Variants in RIMS2 observed in about 807,000 individuals in gnomAD.
RIMS2 encodes the protein regulating synaptic membrane exocytosis protein 2.
RIMS2 carries 59 observed loss-of-function variants against 174.4 expected under a neutral mutation model. The ratio of observed to expected loss-of-function variants is 0.34; its 90% CI spans 0.27 to 0.42. The LOEUF (loss-of-function observed/expected upper bound fraction) is 0.42. Ranked by LOEUF, RIMS2 falls within the 10% of genes least tolerant of loss-of-function variation. RIMS2 has a pLI of 1.00. For missense variants in RIMS2, 1,620 were observed against 1,666.3 expected, an observed-to-expected ratio of 0.97 and a Z score of 0.48; for synonymous variants, 606 against 572.5, an observed-to-expected ratio of 1.06 and a Z score of -0.84.
intron 19 of RIMS2, among the ~76,000 whole-genome samples, chr8:104,082,732 GTC>G (rs2097447208): frequency 6.6e-6 from 1 of 151,566 alleles, no homozygotes; most frequent in South Asian, 2.1e-4. Flanking sequence ...TTATTTTAAA[GTC>G]TGTATCTTAT....
exon 16 of RIMS2, chr8:103,975,365 G>T (rs372815457): frequency 8.7e-6 from 14 of 1,611,746 alleles, no homozygotes; most frequent in Non-Finnish European, 1.2e-5. Flanking sequence ...CGACATGATG[G>T]TCGAGATCTT....
chr8:103,800,320 A>G (rs1451799862), intron 3 of RIMS2, among the ~76,000 whole-genome samples: 1 of 151,780 alleles, frequency 6.6e-6, no homozygotes, highest in East Asian at 1.9e-4. Context: ...TAAGCCTTTT[A>G]TTTCATTTTT....
At chr8:103,627,896 G>A (rs959965642) in intron 1 of RIMS2, among the ~76,000 whole-genome samples, 3 of 152,102 alleles carry the variant, frequency 2.0e-5, no homozygotes, top group Admixed American at 6.5e-5. Context: ...TTTAATTTAT[G>A]TTAATCTAGT....
intron 1 of RIMS2, among the ~76,000 whole-genome samples, chr8:103,681,030 G>T (rs2096873993): frequency 6.6e-6 from 1 of 151,724 alleles, no homozygotes; most frequent in Non-Finnish European, 1.5e-5. Context: ...AAAGAGTAAC[G>T]AATTATAAAG....
At chr8:103,910,337 A>T (rs1565253596) in intron 5 of RIMS2, 1 of 1,596,572 alleles carries the variant, frequency 6.3e-7, no homozygotes, top group Admixed American at 1.7e-5. Flanking sequence ...GTCAAAAGGG[A>T]AAAAGAAAAA....
chr8:103,698,283 T>A (rs901326304), intron 2 of RIMS2, among the ~76,000 whole-genome samples: 1 of 152,210 alleles, frequency 6.6e-6, no homozygotes, highest in African/African-American at 2.4e-5. Context: ...TAATTTTGAA[T>A]AAAGTGGATG....
At chr8:103,613,233 G>T (rs1357428038) in intron 1 of RIMS2, among the ~76,000 whole-genome samples, 1 of 152,168 alleles carries the variant, frequency 6.6e-6, no homozygotes, top group Non-Finnish European at 1.5e-5. Flanking sequence ...TTCTACTGTG[G>T]CTAAGGTGAC....
At chr8:104,197,341 A>G (rs963047962) in intron 19 of RIMS2, among the ~76,000 whole-genome samples, 4 of 151,784 alleles carry the variant, frequency 2.6e-5, no homozygotes, top group African/African-American at 9.7e-5. Flanking sequence ...ACACCTGGCT[A>G]ATTTTTTGTA....
intron 19 of RIMS2, among the ~76,000 whole-genome samples, chr8:104,149,424 G>A (rs2098671095): frequency 6.6e-6 from 1 of 152,150 alleles, no homozygotes; most frequent in Non-Finnish European, 1.5e-5. Context: ...TGCTGACAGT[G>A]AAGATATTCA....
intron 19 of RIMS2, among the ~76,000 whole-genome samples, chr8:104,150,558 A>G (rs144596305): frequency 2.6e-5 from 4 of 152,308 alleles, no homozygotes; most frequent in African/African-American, 9.6e-5. Context: ...CAGAGGTGTC[A>G]TCTCAGTGAC....
chr8:103,810,223 G>A (rs1049864219), intron 3 of RIMS2, among the ~76,000 whole-genome samples: 1 of 152,120 alleles, frequency 6.6e-6, no homozygotes, highest in African/African-American at 2.4e-5. Flanking sequence ...CATTAATATT[G>A]CCTCTAAGCT....
chr8:103,937,046 C>T (rs377219872), intron 13 of RIMS2, among the ~76,000 whole-genome samples: 1 of 151,280 alleles, frequency 6.6e-6, no homozygotes, highest in African/African-American at 2.4e-5. Flanking sequence ...TGCAGTGAGC[C>T]GAGATCGCGC....
chr8:103,722,764 T>A (rs1243890587), intron 2 of RIMS2, among the ~76,000 whole-genome samples: 1 of 152,178 alleles, frequency 6.6e-6, no homozygotes, highest in Non-Finnish European at 1.5e-5. Context: ...CCTGTTAGAT[T>A]TGCTGGGTCT....
intron 8 of RIMS2, among the ~76,000 whole-genome samples, chr8:103,918,200 A>G (rs1158319262): frequency 6.6e-6 from 1 of 152,176 alleles, no homozygotes; most frequent in Non-Finnish European, 1.5e-5. Context: ...TCTGTTTTTA[A>G]AAGTATGCTA....
intron 19 of RIMS2, 137 bp from the exon 23 acceptor site, chr8:104,068,375 A>G (rs185227275): frequency 3.2e-4 from 132 of 416,182 alleles, no homozygotes; most frequent in Non-Finnish European, 4.4e-4. Context: ...GTAAAATAAT[A>G]TGACATTTAA....
At chr8:104,015,924 G>A (rs894788611) in intron 19 of RIMS2, among the ~76,000 whole-genome samples, 1 of 152,062 alleles carries the variant, frequency 6.6e-6, no homozygotes, top group African/African-American at 2.4e-5. Context: ...ATTAGAAAGT[G>A]ATTGTGGCTT....
In RIMS2 at chr8:103,785,155, T is replaced by A. The variant is rs13438912; in HGVS notation, c.698+18618T>A. 3.6e-3 allele frequency among the ~76,000 whole-genome samples: 525 copies of A among 144,688 alleles called. 26 individuals are homozygous for A. Among genetic ancestry groups the A allele is most frequent in the Non-Finnish European group, 5.2e-3 (345 of 65,966 alleles). The allele number at this position is 144,688 out of a possible 152,430, so 94.9% of individuals were successfully genotyped here. The stretch of plus-strand genomic sequence containing the variant: ...ACTTTGCTGAAGTTGCTTACCAGCT[T>A]AAGGAGATTTTGGGCTGAGACGATG... On this transcript the variant is annotated intron_variant, in intron 3 of 23. Coordinates refer to ENST00000504942, the Ensembl canonical transcript of RIMS2.
At chr8:103,639,014 CTTTG>C (rs932974502) in intron 1 of RIMS2, among the ~76,000 whole-genome samples, 18 of 151,968 alleles carry the variant, frequency 1.2e-4, no homozygotes, top group Admixed American at 3.3e-4. Context: ...AGCCTCCTCT[CTTTG>C]TTTATTTGTA....
intron 1 of RIMS2, among the ~76,000 whole-genome samples, chr8:103,578,827 T>G (rs987202418): frequency 1.9e-5 from 2 of 104,262 alleles, no homozygotes; most frequent in Non-Finnish European, 4.3e-5. Context: ...CTGTTTCTAC[T>G]AAAAATACAA....
Sources: gnomAD v4.1 joint callset for allele counts (sites outside exome capture counted in the v4.1 genomes callset) on GRCh38, gnomAD v4.1.1 for gene constraint, MANE v1.5 for transcripts, NCBI Gene and HGNC (gene_info 2026-07-23, HGNC 2026-07-21) for gene names.